The following PCDHGB1 variants were observed in gnomAD, a reference collection of about 807,000 sequenced individuals.
The protein encoded by PCDHGB1 is protocadherin gamma subfamily B, 1, also known as protocadherin gamma-B1.
Under a neutral mutation model 56.6 loss-of-function variants are expected in PCDHGB1, and 34 were observed. The observed-to-expected ratio is 0.60, with a 90% CI of 0.46 to 0.80. The LOEUF (loss-of-function observed/expected upper bound fraction) is 0.80. PCDHGB1 is among the 30% of genes least tolerant of loss of function. The pLI is 0.00. For synonymous variants in PCDHGB1, 561 were observed against 505.9 expected, an observed-to-expected ratio of 1.11 and a Z score of -1.46; for missense variants, 1,278 against 1,204.6, an observed-to-expected ratio of 1.06 and a Z score of -0.90.
At chr5:141,356,142 C>T in intron 1 of PCDHGB1, 1 of 1,613,620 alleles carries the variant, frequency 6.2e-7, no homozygotes, top group Non-Finnish European at 8.5e-7. Flanking sequence ...ACTCTGGATT[C>T]TATGACATAG....
intron 1 of PCDHGB1, chr5:141,398,495 T>G: frequency 1.2e-6 from 2 of 1,610,214 alleles, no homozygotes; most frequent in Non-Finnish European, 1.7e-6. Context: ...AATGTGGAGA[T>G]CGAGGACATT....
intron 1 of PCDHGB1, chr5:141,355,298 A>T: frequency 6.2e-7 from 1 of 1,613,812 alleles, no homozygotes; most frequent in Non-Finnish European, 8.5e-7. Flanking sequence ...CAGATTCTCT[A>T]CTCGGTGTTT....
At chr5:141,379,227 T>C (rs1355383312) in intron 1 of PCDHGB1, 3 of 152,248 alleles carry the variant, frequency 2.0e-5, no homozygotes, top group Non-Finnish European at 4.4e-5. Flanking sequence ...TATGTGTTTT[T>C]CTGAACCAAT....
At chr5:141,374,042 C>G (rs757758510) in intron 1 of PCDHGB1, 4 of 1,460,408 alleles carry the variant, frequency 2.7e-6, no homozygotes, top group Admixed American at 5.4e-5. Context: ...CAGATCTGTT[C>G]TTCCTCTTCT....
Position 141,365,232 on chromosome 5 carries a change from T to C in PCDHGB1, c.2409+12563T>C, listed in dbSNP as rs762059066. 20 of 1,613,878 alleles carry C rather than the reference T, an allele frequency of 1.2e-5. No individual in the cohort carries two copies. The South Asian group carries it at 2.2e-4, about 18-fold the overall frequency. On this transcript the variant is annotated intron_variant, in intron 1 of 3. Transcript: ENST00000523390. ...CAACTTGATTCCAACCTGGGGGAAA[T>C]CTCAACTCTACAATCACTGGACTAT...
intron 1 of PCDHGB1, chr5:141,378,041 T>C (rs1774568031): frequency 6.6e-6 from 1 of 152,220 alleles, no homozygotes; most frequent in Admixed American, 6.5e-5. Flanking sequence ...AACAAGACTT[T>C]CCTTATCTAT....
Position 141,384,308 on chromosome 5 carries a change from C to G in PCDHGB1, c.2409+31639C>G, listed in dbSNP as rs974367218. On this transcript the variant is annotated intron_variant, in intron 1 of 3. Transcript: ENST00000523390. ...GCTGAGAACAACCCCAGAGGGGCCT[C>G]CATTTTCTTAGTGACTGCACAGGAC... The G allele has an allele frequency of 1.5e-5, 25 of 1,613,736 alleles. No homozygotes were observed. The highest frequency in any genetic ancestry group is 2.1e-5 in the Non-Finnish European group (25 of 1,179,896).
rs181400389 is a variant in PCDHGB1, at chr5:141,360,129, C to T, written c.2409+7460C>T. The T allele has an allele frequency of 2.6e-4, 413 of 1,586,318 alleles. 2 individuals are homozygous for T. The Admixed American group carries it at 6.4e-3, about 25-fold the overall frequency. On this transcript the variant is annotated intron_variant, in intron 1 of 3. Coordinates refer to ENST00000523390, the MANE Select transcript of PCDHGB1 (RefSeq NM_018922.3). ...CCTATGGGCAAAGGAGCAAAGGGAGCCAGAAGATGAAAGCGAGCTCAGGGA... is the reference window on the plus strand; with the variant it reads ...CCTATGGGCAAAGGAGCAAAGGGAGTCAGAAGATGAAAGCGAGCTCAGGGA...
At chr5:141,382,791 C>T in intron 1 of PCDHGB1, 1 of 942,536 alleles carries the variant, frequency 1.1e-6, no homozygotes, top group Non-Finnish European at 1.6e-6. Context: ...AGCCTCTATC[C>T]TGCTGGATTC....
chr5:141,415,484 G>C (rs369349538), intron 1 of PCDHGB1: 18 of 1,614,102 alleles, frequency 1.1e-5, no homozygotes, highest in Non-Finnish European at 1.5e-5. Flanking sequence ...TCGCGAAAGA[G>C]TCACCTGATC....
rs1772581943 is a variant in PCDHGB1, at chr5:141,376,341, A to G, written c.2409+23672A>G. 2 of 1,614,152 alleles carry G rather than the reference A, an allele frequency of 1.2e-6. No individual in the cohort carries two copies. The highest frequency in any genetic ancestry group is 1.7e-6 in the Non-Finnish European group (2 of 1,180,032). Reference sequence around the variant, plus strand: ...GGGGTTCGGGCTTTCCTGCAGACCTATTCCCACGAGGTCTCACTCACTGCA... The same window carrying G: ...GGGGTTCGGGCTTTCCTGCAGACCTGTTCCCACGAGGTCTCACTCACTGCA... On this transcript the variant is annotated intron_variant, in intron 1 of 3. Coordinates refer to ENST00000523390, the MANE Select transcript of PCDHGB1 (RefSeq NM_018922.3).
rs980122657 is a variant in PCDHGB1, at chr5:141,511,379, C to G, written c.*206C>G. The G allele has an allele frequency of 2.9e-5, 34 of 1,169,842 alleles. No individual in the cohort carries two copies. The highest frequency in any genetic ancestry group is 3.9e-5 in the Non-Finnish European group (33 of 853,834). The allele number at this position is 1,169,842 out of a possible 1,614,324, so 72.5% of individuals were successfully genotyped here. ...GGGGGTTGAATATGCAAAAGCAGTT[C>G]CGCTGGGAACCCCCATCCAATCAAC... On this transcript the variant is annotated 3_prime_UTR_variant, in exon 4 of 4. Transcript: ENST00000523390.
chr5:141,371,113 C>A lies in PCDHGB1; in HGVS notation c.2409+18444C>A. The A allele has an allele frequency of 6.2e-7, 1 of 1,613,950 alleles. No homozygotes were observed. Among genetic ancestry groups the A allele is most frequent in the Non-Finnish European group, 8.5e-7 (1 of 1,179,846 alleles). ...GTCGCAGATGCAAATGATAACCCCC[C>A]AGTATTTACTCAGGACATGTACAGG... On this transcript the variant is annotated intron_variant, in intron 1 of 3. Coordinates refer to ENST00000523390, the MANE Select transcript of PCDHGB1 (RefSeq NM_018922.3).
chr5:141,477,258 C>A lies in PCDHGB1; in HGVS notation c.2410-17549C>A. ...TTGCTCAGTGTGACTGACCTGGATG[C>A]TGGCGAGAACGGGCTGGTGACCTGC... On this transcript the variant is annotated intron_variant, in intron 1 of 3. Coordinates refer to ENST00000523390, the MANE Select transcript of PCDHGB1 (RefSeq NM_018922.3). The surrounding 1 kb of genome is among the most constrained non-coding windows in gnomAD (Gnocchi z 4.9). 6.2e-7 allele frequency: 1 copy of A among 1,614,208 alleles called. No homozygotes were observed. Among genetic ancestry groups the A allele is most frequent in the Non-Finnish European group, 8.5e-7 (1 of 1,180,042 alleles).
In PCDHGB1 at chr5:141,352,301, C is replaced by A. The variant is rs768790240; in HGVS notation, c.2041C>A (p.Gln681Lys). ...LSDRPEPSDP[Q>K]TELQFYLVVA... is the part of the protein sequence containing the mutation. ...CGACCGCCCTGAGCCCTCTGACCCCCAGACGGAACTGCAGTTTTACCTGGT... is the reference window on the plus strand; with the variant it reads ...CGACCGCCCTGAGCCCTCTGACCCCAAGACGGAACTGCAGTTTTACCTGGT... The change falls in exon 1 of 4, where the codon CAG (glutamine) becomes AAG (lysine). Residue 681 changes from glutamine to lysine, a missense_variant. Transcript: ENST00000523390. 6 of 1,613,970 alleles carry A rather than the reference C, an allele frequency of 3.7e-6. No homozygotes were observed. The East Asian group carries it at 1.3e-4, about 36-fold the overall frequency.
Position 141,476,990 on chromosome 5 carries a change from C to T in PCDHGB1, c.2410-17817C>T, listed in dbSNP as rs2099402882. ...CGGCAGCCACAACCGCGCCGGCGTGCGGCAACTATTCGCCTTAGACCTTGT... is the reference window on the plus strand; with the variant it reads ...CGGCAGCCACAACCGCGCCGGCGTGTGGCAACTATTCGCCTTAGACCTTGT... On this transcript the variant is annotated intron_variant, in intron 1 of 3. Coordinates refer to ENST00000523390, the MANE Select transcript of PCDHGB1 (RefSeq NM_018922.3). The surrounding 1 kb of genome is among the most constrained non-coding windows in gnomAD (Gnocchi z 7.6). 6.2e-7 allele frequency: 1 copy of T among 1,614,220 alleles called. No individual in the cohort carries two copies. The highest frequency in any genetic ancestry group is 8.5e-7 in the Non-Finnish European group (1 of 1,180,046).
intron 1 of PCDHGB1, chr5:141,355,848 T>G: frequency 6.2e-7 from 1 of 1,612,604 alleles, no homozygotes; most frequent in South Asian, 1.1e-5. Context: ...CGGCCTTCGA[T>G]GGAGGTGACC....
At chr5:141,426,398 C>A (rs1264385461) in intron 1 of PCDHGB1, 3 of 257,270 alleles carry the variant, frequency 1.2e-5, no homozygotes, top group Non-Finnish European at 2.3e-5. Context: ...TACTCTATTC[C>A]AGAAGAAACG....
intron 1 of PCDHGB1, chr5:141,384,902 T>A: frequency 3.1e-6 from 5 of 1,613,898 alleles, no homozygotes; most frequent in Non-Finnish European, 4.2e-6. Flanking sequence ...GCTGACAGCA[T>A]CCCCGAAGTC....
Sources: allele counts gnomAD v4.1 joint callset, GRCh38; gene constraint gnomAD v4.1.1; non-coding constraint Gnocchi (gnomAD v3.1); transcripts MANE v1.5; gene names NCBI Gene and HGNC (gene_info 2026-07-23, HGNC 2026-07-21).